UNC13C: variants seen among roughly 807,000 people sequenced by gnomAD.
UNC13C encodes protein unc-13 homolog C.
UNC13C carries 174 observed loss-of-function variants against 245.4 expected under a neutral mutation model. That is an observed-to-expected ratio of 0.71 (90% confidence interval 0.63 to 0.80). The LOEUF (loss-of-function observed/expected upper bound fraction) is 0.80. UNC13C is among the 30% of genes least tolerant of loss of function. The pLI, the probability that UNC13C is intolerant of heterozygous loss-of-function variation, is 0.00. For synonymous variants in UNC13C, 992 were observed against 895.1 expected (o/e 1.11, Z -1.93); for missense variants, 2,829 against 2,602.9 (o/e 1.09, Z -1.89).
chr15:54,363,706 A>G lies in UNC13C; in HGVS notation c.4713+25217A>G, dbSNP rs368634311. Among the ~76,000 whole-genome samples, 6 of 152,336 alleles carry G rather than the reference A, an allele frequency of 3.9e-5. No individual in the cohort carries two copies. In the East Asian group the frequency reaches 9.7e-4, roughly 25 times the overall value. ...GAGACTGGGAGCAAGTAGAACAGCT[A>G]TAGCAACAGACTATTTGGGTAAGCT... On this transcript the variant is annotated intron_variant, in intron 17 of 32. Transcript: ENST00000260323.
chr15:54,182,116 G>C (rs2033822119), intron 4 of UNC13C, among the ~76,000 whole-genome samples: 1 of 151,826 alleles, frequency 6.6e-6, no homozygotes. Flanking sequence ...TGTTTTAGTT[G>C]TCAATGGGAA....
intron 24 of UNC13C, among the ~76,000 whole-genome samples, chr15:54,515,786 A>C (rs964752437): frequency 6.6e-6 from 1 of 152,154 alleles, no homozygotes; most frequent in Non-Finnish European, 1.5e-5. Context: ...TGTTCAGCTA[A>C]ATTATTTTCA....
At chr15:54,050,794 C>G in intron 2 of UNC13C, 1 of 592,994 alleles carries the variant, frequency 1.7e-6, no homozygotes, top group South Asian at 1.4e-5. Context: ...TATATGAATA[C>G]AGCCCTTCAG....
the UNC13C span, among the ~76,000 whole-genome samples, chr15:53,879,846 C>A: frequency 6.6e-6 from 1 of 152,052 alleles, no homozygotes; most frequent in Admixed American, 6.5e-5. Flanking sequence ...TGGCCTGATT[C>A]TCTTTTTAAA....
chr15:54,470,631 C>A (rs763226971), intron 19 of UNC13C, among the ~76,000 whole-genome samples: 6 of 150,960 alleles, frequency 4.0e-5, no homozygotes, highest in Non-Finnish European at 7.4e-5. Context: ...AGCCTTCTCT[C>A]TTTTTTCTTA....
intron 19 of UNC13C, among the ~76,000 whole-genome samples, chr15:54,444,662 A>G (rs913537381): frequency 2.6e-5 from 4 of 151,792 alleles, no homozygotes; most frequent in Admixed American, 2.6e-4. Flanking sequence ...TAGTCATAAC[A>G]TTTACGTCCT....
At chr15:54,201,176 G>C (rs1209258570) in intron 4 of UNC13C, among the ~76,000 whole-genome samples, 2 of 151,690 alleles carry the variant, frequency 1.3e-5, no homozygotes, top group African/African-American at 4.8e-5. Context: ...TAATAAAAAA[G>C]TTGCCAACAA....
intron 31 of UNC13C, among the ~76,000 whole-genome samples, chr15:54,623,021 T>C (rs554773446): frequency 1.3e-5 from 2 of 152,334 alleles, no homozygotes; most frequent in Admixed American, 6.5e-5. Context: ...AAAATAGCTA[T>C]ATTTTAGAAT....
chr15:54,537,665 C>G (rs1159207022), intron 26 of UNC13C, among the ~76,000 whole-genome samples: 1 of 151,770 alleles, frequency 6.6e-6, no homozygotes, highest in African/African-American at 2.4e-5. Flanking sequence ...ATTAGAGAAC[C>G]CAGAAATAAA....
chr15:53,966,023 C>G, the UNC13C span, among the ~76,000 whole-genome samples: 1 of 152,242 alleles, frequency 6.6e-6, no homozygotes, highest in East Asian at 1.9e-4. Flanking sequence ...GCCACAGATT[C>G]AGTGCACTTT....
At chr15:54,594,381 G>C (rs954165153) in intron 30 of UNC13C, among the ~76,000 whole-genome samples, 1 of 151,732 alleles carries the variant, frequency 6.6e-6, no homozygotes, top group Non-Finnish European at 1.5e-5. Context: ...CGATGCCTTA[G>C]AACTCCCAAG....
chr15:54,409,597 T>C (rs1015930291), intron 18 of UNC13C, among the ~76,000 whole-genome samples: 2 of 152,202 alleles, frequency 1.3e-5, no homozygotes, highest in African/African-American at 4.8e-5. Context: ...GCACTCGATA[T>C]TTAGCTCCCA....
intron 19 of UNC13C, among the ~76,000 whole-genome samples, chr15:54,434,404 C>G (rs145713147): frequency 6.6e-6 from 1 of 152,024 alleles, no homozygotes; most frequent in African/African-American, 2.4e-5. Context: ...ACCAATGGAA[C>G]AGAACAGAGA....
chr15:54,469,647 T>G (rs1169846247), intron 19 of UNC13C, among the ~76,000 whole-genome samples: 2 of 151,644 alleles, frequency 1.3e-5, no homozygotes, highest in African/African-American at 4.8e-5. Flanking sequence ...ACTTCATTTA[T>G]GTGGGTTCAG....
At chr15:54,060,992 AGC>A (rs771724985) in intron 2 of UNC13C, among the ~76,000 whole-genome samples, 2 of 152,090 alleles carry the variant, frequency 1.3e-5, no homozygotes, top group Non-Finnish European at 2.9e-5. Context: ...GGGGAGGGAG[AGC>A]ATTAGGAGAT....
chr15:54,366,122 C>G (rs1385939114), intron 17 of UNC13C, among the ~76,000 whole-genome samples: 4 of 152,132 alleles, frequency 2.6e-5, no homozygotes, highest in African/African-American at 4.8e-5. Context: ...ATTACAGCAT[C>G]TCTCTGTTAG....
At chr15:53,911,352 C>T in the UNC13C span, 1 of 152,226 alleles carries the variant, frequency 6.6e-6, no homozygotes, top group Admixed American at 6.5e-5. Context: ...CAGTCTGATG[C>T]TGAGGAGGAG....
At chr15:54,552,749 A>G (rs796076883) in intron 28 of UNC13C, among the ~76,000 whole-genome samples, 5 of 77,414 alleles carry the variant, frequency 6.5e-5, no homozygotes, top group South Asian at 9.2e-4. Flanking sequence ...TATATTATAT[A>G]GTACAATATA....
intron 2 of UNC13C, among the ~76,000 whole-genome samples, chr15:54,082,867 G>T (rs1348447023): frequency 6.6e-6 from 1 of 152,134 alleles, no homozygotes; most frequent in African/African-American, 2.4e-5. Context: ...GTTGTGGATA[G>T]GTTCTGTGTG....
Sources: allele counts gnomAD v4.1 joint callset (sites outside exome capture counted in the v4.1 genomes callset), GRCh38; gene constraint gnomAD v4.1.1; transcripts MANE v1.5; gene names NCBI Gene and HGNC (gene_info 2026-07-23, HGNC 2026-07-21).